The following MRPS27 variants were observed in gnomAD, a reference collection of about 807,000 sequenced individuals.
MRPS27 encodes small ribosomal subunit protein mS27.
In MRPS27, 43 loss-of-function variants were observed where a neutral mutation model predicts 48.9. The observed-to-expected ratio is 0.88, with a 90% CI of 0.69 to 1.13. The LOEUF is 1.13. Ranked by LOEUF, MRPS27 falls within the 50% of genes most tolerant of loss-of-function variation. MRPS27 has a pLI of 0.00. For synonymous variants in MRPS27, 188 were observed against 171.9 expected, an observed-to-expected ratio of 1.09 and a Z score of -0.73; for missense variants, 467 against 476.3, an observed-to-expected ratio of 0.98 and a Z score of 0.18.
intron 4 of MRPS27, among the ~76,000 whole-genome samples, chr5:72,269,274 T>C (rs939283227): frequency 6.6e-6 from 1 of 152,224 alleles, no homozygotes; most frequent in Non-Finnish European, 1.5e-5. Context: ...GTGTTTTTCT[T>C]GCTTGCACAA....
chr5:72,310,339 C>G (rs949500958), intron 2 of MRPS27, among the ~76,000 whole-genome samples: 8 of 151,136 alleles, frequency 5.3e-5, no homozygotes, highest in African/African-American at 1.7e-4. Context: ...AGGGCTAGGC[C>G]AGGAAGGGTA....
chr5:72,234,149 C>A lies in MRPS27; in HGVS notation c.445G>T (p.Asp149Tyr), dbSNP rs1236733298. The A allele has an allele frequency of 2.0e-6, 3 of 1,522,326 alleles. No individual in the cohort carries two copies. Among genetic ancestry groups the A allele is most frequent in the Non-Finnish European group, 2.6e-6 (3 of 1,138,250 alleles). 94.3% of individuals were successfully genotyped at this position (1,522,326 alleles called of 1,614,324 possible). A position where few individuals can be genotyped will look rare whatever the true frequency, so the allele number is the denominator to read the frequency against. ...PDNFTFNLLM[D>Y]SFIKKENYKD... ...TAATTTTCTTTCTTTATGAAAGAAT[C>A]CATCAGTAAATTGAATGTAAAGTTA... Residue 149 changes from aspartate to tyrosine, a missense_variant, in exon 6 of 11, where the codon GAT becomes TAT. By Grantham distance (160) the Asp-to-Tyr change is radical. Coordinates refer to ENST00000261413, the MANE Select transcript of MRPS27 (RefSeq NM_015084.3).
At chr5:72,251,174 A>T (rs1748655240) in intron 4 of MRPS27, among the ~76,000 whole-genome samples, 1 of 152,198 alleles carries the variant, frequency 6.6e-6, no homozygotes, top group South Asian at 2.1e-4. Context: ...ACCTGTGTGC[A>T]GCAAAGACCT....
At chr5:72,251,877 A>T (rs973037958) in intron 4 of MRPS27, among the ~76,000 whole-genome samples, 3 of 152,056 alleles carry the variant, frequency 2.0e-5, no homozygotes, top group Non-Finnish European at 4.4e-5. Context: ...GTTTCTAAGA[A>T]CCCCCTTTTC....
intron 3 of MRPS27, 137 bp from the exon 4 acceptor site, chr5:72,295,726 A>AGCATGCTTAG (rs56696943): frequency 0.04 from 26,601 of 658,568 alleles, 1,005 homozygotes; most frequent in African/African-American, 0.15. Context: ...TAGTGGAACA[A>AGCATGCTTAG]TGTTCACGTG....
In MRPS27 at chr5:72,220,968, G is replaced by C. The variant is rs148261939; in HGVS notation, c.1186C>G (p.Gln396Glu). ...LVQLIQREQQ[Q>E]REQAKQEYQA... is the part of the protein sequence containing the mutation. ...TACTCCTGCTTCGCTTGCTCCCTCT[G>C]TTGCTGTTCTCTCTGGATCAACTGT... Residue 396 changes from glutamine (Q) to glutamate (E), a missense_variant, in exon 11 of 11, where the codon CAG becomes GAG. Coordinates refer to ENST00000261413, the MANE Select transcript of MRPS27 (RefSeq NM_015084.3). 4,567 of 1,614,140 alleles carry C rather than the reference G, an allele frequency of 2.8e-3. 11 individuals carry two copies. The highest frequency in any genetic ancestry group is 3.8e-3 in the Admixed American group (230 of 60,024).
At chr5:72,230,179 G>A (rs937036367) in intron 7 of MRPS27, among the ~76,000 whole-genome samples, 11 of 152,172 alleles carry the variant, frequency 7.2e-5, no homozygotes, top group Admixed American at 7.2e-4. Context: ...ACAGGCATGA[G>A]CCACTGCTCC....
intron 2 of MRPS27, among the ~76,000 whole-genome samples, chr5:72,307,218 G>T (rs984941824): frequency 2.0e-5 from 3 of 152,170 alleles, no homozygotes; most frequent in Admixed American, 6.5e-5. Flanking sequence ...CGGGCATGGT[G>T]GCGGGCGCCT....
chr5:72,268,880 T>C (rs376654303), intron 4 of MRPS27, among the ~76,000 whole-genome samples: 4 of 152,168 alleles, frequency 2.6e-5, no homozygotes, highest in East Asian at 3.9e-4. Context: ...AGAGGTTTAT[T>C]TATTCTCACT....
intron 4 of MRPS27, among the ~76,000 whole-genome samples, chr5:72,274,684 ATTGT>A (rs1176478558): frequency 1.3e-5 from 2 of 152,210 alleles, no homozygotes; most frequent in African/African-American, 4.8e-5. Flanking sequence ...ACTGTACGTA[ATTGT>A]TTGTGCTATG....
intron 2 of MRPS27, among the ~76,000 whole-genome samples, chr5:72,304,234 A>G (rs964202660): frequency 5.3e-5 from 8 of 152,178 alleles, no homozygotes; most frequent in East Asian, 1.9e-4. Context: ...AGTGGAGGGG[A>G]AAAAAACGTA....
chr5:72,268,701 A>G (rs2112013561), intron 4 of MRPS27, among the ~76,000 whole-genome samples: 1 of 152,310 alleles, frequency 6.6e-6, no homozygotes, highest in South Asian at 2.1e-4. Flanking sequence ...TTCTTCTACA[A>G]AAGAGGAGCA....
At chr5:72,242,665 TACACACACACACACACAC>T (rs57589095) in intron 4 of MRPS27, among the ~76,000 whole-genome samples, 47 of 134,202 alleles carry the variant, frequency 3.5e-4, no homozygotes, top group Admixed American at 2.4e-3. Flanking sequence ...AGACCCCGTC[TACACACACACACACACAC>T]ACACACACAC....
intron 4 of MRPS27, 33 bp from the exon 5 acceptor site, chr5:72,238,161 T>C (rs1346844176): frequency 1.9e-5 from 27 of 1,433,368 alleles, no homozygotes; most frequent in Non-Finnish European, 2.5e-5. Context: ...AAAACTGGTG[T>C]TAACTCTTAT....
intron 4 of MRPS27, among the ~76,000 whole-genome samples, chr5:72,288,588 C>T (rs1749736457): frequency 4.6e-5 from 7 of 152,206 alleles, no homozygotes; most frequent in Admixed American, 4.6e-4. Context: ...CAACGATCTG[C>T]TATTTTCCAG....
At chr5:72,249,233 C>T (rs1001770352) in intron 4 of MRPS27, among the ~76,000 whole-genome samples, 2 of 152,198 alleles carry the variant, frequency 1.3e-5, no homozygotes, top group South Asian at 2.1e-4. Flanking sequence ...TTACTTATTA[C>T]AACAGAATGG....
At chr5:72,307,756 T>C (rs968764844) in intron 2 of MRPS27, 1 of 152,208 alleles carries the variant, frequency 6.6e-6, no homozygotes, top group East Asian at 1.9e-4. Context: ...TAAGGGCTTC[T>C]GGAGCGGTAG....
At chr5:72,295,502 TAC>T (rs1354861926) in intron 4 of MRPS27, 27 bp downstream of exon 4, 1 of 1,557,390 alleles carries the variant, frequency 6.4e-7, no homozygotes. Flanking sequence ...AATCACAGAG[TAC>T]ATAGCCAAAT....
chr5:72,250,425 G>C (rs187237345), intron 4 of MRPS27, among the ~76,000 whole-genome samples: 2 of 152,264 alleles, frequency 1.3e-5, no homozygotes, highest in Admixed American at 1.3e-4. Flanking sequence ...CAGTAATGCT[G>C]CTTCTCCAGG....
Sources: allele counts gnomAD v4.1 joint callset (sites outside exome capture counted in the v4.1 genomes callset), GRCh38; gene constraint gnomAD v4.1.1; transcripts MANE v1.5; gene names NCBI Gene and HGNC (gene_info 2026-07-23, HGNC 2026-07-21).